Variants in ELMO1 observed in about 807,000 individuals in gnomAD.
ELMO1 encodes engulfment and cell motility protein 1.
Under a neutral mutation model 98.9 loss-of-function variants are expected in ELMO1, and 26 were observed. The observed-to-expected ratio is 0.26, with a 90% CI of 0.19 to 0.36. The LOEUF is 0.36. Ranked by LOEUF, ELMO1 falls within the 10% of genes least tolerant of loss-of-function variation. The probability of loss-of-function intolerance (pLI) is 1.00; values close to 1 mark genes in which losing one functional copy is unlikely to be tolerated. For missense variants in ELMO1, 627 were observed against 935.2 expected (o/e 0.67, Z 4.30); for synonymous variants, 346 against 346.0 (o/e 1.00, Z 0.00).
intron 14 of ELMO1, among the ~76,000 whole-genome samples, chr7:37,107,309 A>G (rs1224220185): frequency 6.6e-6 from 1 of 152,194 alleles, no homozygotes; most frequent in Non-Finnish European, 1.5e-5. Context: ...GAAGGTGCAC[A>G]TGAGATGCAA....
Position 36,855,547 on chromosome 7 carries a change from C to T in ELMO1, c.*4G>A, listed in dbSNP as rs1802130820. ...TGGAAGGGGCATGTCTGGGCCCGGCCACTTCAGTTACAGTCATAGACGAAG... is the reference window on the plus strand; with the variant it reads ...TGGAAGGGGCATGTCTGGGCCCGGCTACTTCAGTTACAGTCATAGACGAAG... On this transcript the variant is annotated 3_prime_UTR_variant, in exon 22 of 22. Coordinates refer to ENST00000310758, the MANE Select transcript of ELMO1 (RefSeq NM_014800.11). This position sits in a 1 kb window ranked among gnomAD's most constrained non-coding sequence, Gnocchi z 4.2. The T allele has an allele frequency of 3.1e-6, 5 of 1,613,838 alleles. No homozygotes were observed. The African/African-American group carries it at 5.3e-5, about 17-fold the overall frequency.
intron 13 of ELMO1, among the ~76,000 whole-genome samples, chr7:37,202,809 C>T (rs1792371346): frequency 6.6e-6 from 1 of 152,158 alleles, no homozygotes. Context: ...TGAGCCACCT[C>T]TTTTTCAGGG....
chr7:37,006,728 G>C lies in ELMO1; in HGVS notation c.1437+6571C>G, dbSNP rs143073880. ...AAAATACCTATAAAACTCTCTAGCG[G>C]GGTGATAATGCAAAAGAGAAGGAGA... On this transcript the variant is annotated intron_variant, in intron 16 of 21. Transcript: ENST00000310758. Among the ~76,000 whole-genome samples, 3 of 152,302 alleles carry C rather than the reference G, an allele frequency of 2.0e-5. No homozygotes were observed. The East Asian group carries it at 5.8e-4, about 29-fold the overall frequency.
chr7:36,882,267 C>T (rs1804530106), intron 18 of ELMO1, among the ~76,000 whole-genome samples: 2 of 152,176 alleles, frequency 1.3e-5, no homozygotes, highest in African/African-American at 2.4e-5. Flanking sequence ...CCAAGGATAA[C>T]CTAAAATGTG....
chr7:37,421,583 T>G (rs186556765), intron 1 of ELMO1, among the ~76,000 whole-genome samples: 6 of 152,296 alleles, frequency 3.9e-5, no homozygotes, highest in Admixed American at 1.3e-4. Context: ...AGCCTGGAGA[T>G]TCTCGAATAT....
At chr7:37,334,978 T>C (rs1278807817) in intron 2 of ELMO1, among the ~76,000 whole-genome samples, 2 of 152,164 alleles carry the variant, frequency 1.3e-5, no homozygotes, top group Admixed American at 1.3e-4. Context: ...TGTTCAGAAT[T>C]GAAACCTATT....
chr7:37,370,597 CA>C (rs1445184772), intron 1 of ELMO1, among the ~76,000 whole-genome samples: 1 of 152,044 alleles, frequency 6.6e-6, no homozygotes, highest in Admixed American at 6.6e-5. Context: ...AAAGGACAAG[CA>C]ACCCAAAAGG....
chr7:37,446,445 C>T (rs1488738507), intron 1 of ELMO1, among the ~76,000 whole-genome samples: 1 of 152,074 alleles, frequency 6.6e-6, no homozygotes, highest in African/African-American at 2.4e-5. Flanking sequence ...AGGGAAGGCC[C>T]CCTATAAGCT....
chr7:37,052,155 C>T (rs1246053831), intron 15 of ELMO1, among the ~76,000 whole-genome samples: 1 of 152,178 alleles, frequency 6.6e-6, no homozygotes, highest in Non-Finnish European at 1.5e-5. Context: ...TCTGTTGAAA[C>T]CCCACAGAAG....
At position 37,155,503 on chromosome 7, in the gene ELMO1, A is replaced by AAAAAAATAAAAAT. The variant is rs61189239; in HGVS notation, c.1087-22270_1087-22269insATTTTTATTTTTT. 8.6e-4 allele frequency among the ~76,000 whole-genome samples: 113 copies of AAAAAAATAAAAAT among 131,778 alleles called. 2 individuals are homozygous for AAAAAAATAAAAAT. The Middle Eastern group carries it at 0.016, about 19-fold the overall frequency. The allele number at this position is 131,778 out of a possible 152,430, so 86.5% of individuals were successfully genotyped here. On this transcript the variant is annotated intron_variant, in intron 13 of 21. Coordinates refer to ENST00000310758, the MANE Select transcript of ELMO1 (RefSeq NM_014800.11). Reference sequence around the variant, plus strand: ...AACGGAAAGCAAAAAAAAAAAAAAAAAAAAAGCAGGTGTTGCAATCCTGGT... The same window carrying AAAAAAATAAAAAT: ...AACGGAAAGCAAAAAAAAAAAAAAAAAAAAAATAAAAATAAAAAGCAGGTGTTGCAATCCTGGT...
chr7:37,123,486 C>T (rs1786245312), intron 14 of ELMO1, among the ~76,000 whole-genome samples: 1 of 152,118 alleles, frequency 6.6e-6, no homozygotes, highest in African/African-American at 2.4e-5. Context: ...ATACAAACTA[C>T]CATCGGAGAA....
chr7:37,084,509 T>G (rs924340436), intron 15 of ELMO1, among the ~76,000 whole-genome samples: 2 of 152,174 alleles, frequency 1.3e-5, no homozygotes, highest in African/African-American at 4.8e-5. Context: ...AAGCAGTGGG[T>G]GATAGCATTG....
At chr7:37,032,816 G>A (rs1794949368) in intron 15 of ELMO1, among the ~76,000 whole-genome samples, 2 of 152,280 alleles carry the variant, frequency 1.3e-5, no homozygotes, top group South Asian at 4.1e-4. Flanking sequence ...TATCCACAGA[G>A]ATGGATCAGG....
At chr7:37,150,994 G>A (rs1788319682) in intron 13 of ELMO1, among the ~76,000 whole-genome samples, 1 of 152,220 alleles carries the variant, frequency 6.6e-6, no homozygotes, top group Non-Finnish European at 1.5e-5. Flanking sequence ...ATCCAGCTGT[G>A]CCAGAGGGAC....
intron 1 of ELMO1, among the ~76,000 whole-genome samples, chr7:37,428,535 CTTT>C (rs972897206): frequency 3.3e-5 from 5 of 152,182 alleles, no homozygotes; most frequent in African/African-American, 1.2e-4. Context: ...AATGACATTT[CTTT>C]TTGTAATATT....
intron 16 of ELMO1, among the ~76,000 whole-genome samples, chr7:36,914,715 T>C (rs1784569368): frequency 6.6e-6 from 1 of 152,086 alleles, no homozygotes; most frequent in Non-Finnish European, 1.5e-5. Flanking sequence ...GGTTTCACCA[T>C]ATTGGCCAGG....
At chr7:36,981,148 G>A (rs1160257101) in intron 16 of ELMO1, among the ~76,000 whole-genome samples, 1 of 146,210 alleles carries the variant, frequency 6.8e-6, no homozygotes, top group Non-Finnish European at 1.5e-5. Flanking sequence ...TGAGCTTAGA[G>A]TGAGCTTTGG....
chr7:37,228,554 A>G (rs1793992083), intron 8 of ELMO1, among the ~76,000 whole-genome samples: 1 of 152,250 alleles, frequency 6.6e-6, no homozygotes, highest in South Asian at 2.1e-4. Flanking sequence ...TGTACTGCTC[A>G]TTCATTTAAA....
At chr7:37,263,749 GA>G (rs1021655087) in intron 5 of ELMO1, among the ~76,000 whole-genome samples, 2 of 152,190 alleles carry the variant, frequency 1.3e-5, no homozygotes, top group Non-Finnish European at 2.9e-5. Flanking sequence ...TGGAGGGAGA[GA>G]AAGGAGAGGA....
Sources: allele counts gnomAD v4.1 joint callset (sites outside exome capture counted in the v4.1 genomes callset), GRCh38; gene constraint gnomAD v4.1.1; non-coding constraint Gnocchi (gnomAD v3.1); transcripts MANE v1.5; gene names NCBI Gene and HGNC (gene_info 2026-07-23, HGNC 2026-07-21).